Variants in SULT1C3 observed in about 807,000 individuals in gnomAD.
SULT1C3 encodes sulfotransferase family 1C member 3.
In SULT1C3, 31 loss-of-function variants were observed where a neutral mutation model predicts 28.4. The observed-to-expected ratio is 1.09, with a 90% CI of 0.82 to 1.47. The LOEUF is 1.47. SULT1C3 is among the 40% of genes most tolerant of loss of function. The pLI is 0.00. For synonymous variants in SULT1C3, 106 were observed against 92.2 expected (o/e 1.15, Z -0.86); for missense variants, 307 against 272.5 (o/e 1.13, Z -0.89).
chr2:108,247,560 G>T (rs1675619437), intron 2 of SULT1C3, among the ~76,000 whole-genome samples, 194 bp downstream of exon 2: 1 of 152,114 alleles, frequency 6.6e-6, no homozygotes, highest in Admixed American at 6.6e-5. Flanking sequence ...TCTCTGAAGA[G>T]AACAGAAAAG....
intron 5 of SULT1C3, among the ~76,000 whole-genome samples, chr2:108,256,236 A>G (rs974813775): frequency 4.6e-5 from 7 of 152,018 alleles, no homozygotes; most frequent in Non-Finnish European, 1.0e-4. Context: ...CAGTGAACAC[A>G]TTAGGGCCAC....
Position 108,260,816 on chromosome 2 carries a change from A to T in SULT1C3, c.*136A>T. ...CCTATAGTGTGGCTAGTTTGCTATA[A>T]TATTAAAACATGATTTAAAATATCA... On this transcript the variant is annotated 3_prime_UTR_variant, in exon 8 of 8. Transcript: ENST00000681802. 1 of 307,108 alleles carries T rather than the reference A, an allele frequency of 3.3e-6. No individual in the cohort carries two copies. Among genetic ancestry groups the T allele is most frequent in the South Asian group, 3.0e-5 (1 of 33,130 alleles). 19.0% of individuals were successfully genotyped at this position (307,108 alleles called of 1,614,324 possible). A position where few individuals can be genotyped will look rare whatever the true frequency, so the allele number is the denominator to read the frequency against.
At chr2:108,264,843 G>A (rs1284274137), downstream of SULT1C3, 1 of 1,611,782 alleles carries the variant, frequency 6.2e-7, no homozygotes, top group Non-Finnish European at 8.5e-7. Context: ...GCGGGAAATT[G>A]AGAAGATACT....
At chr2:108,246,280 G>A (rs1466737990) in intron 1 of SULT1C3, among the ~76,000 whole-genome samples, 1 of 152,116 alleles carries the variant, frequency 6.6e-6, no homozygotes, top group Non-Finnish European at 1.5e-5. Flanking sequence ...TCAGGTATCT[G>A]CAGTAGCACC....
intron 4 of SULT1C3, among the ~76,000 whole-genome samples, chr2:108,254,717 G>GTA (rs1281464827): frequency 1.8e-4 from 26 of 145,046 alleles, no homozygotes; most frequent in East Asian, 1.4e-3. Flanking sequence ...ATATATGTAT[G>GTA]TATATATATG....
chr2:108,243,502 G>C (rs534233229), intron 1 of SULT1C3, among the ~76,000 whole-genome samples: 3 of 151,888 alleles, frequency 2.0e-5, no homozygotes, highest in African/African-American at 7.3e-5. Context: ...GTGGTGGTGG[G>C]TGCCTGTAGT....
chr2:108,254,027 C>T (rs1395907239), intron 4 of SULT1C3, among the ~76,000 whole-genome samples: 1 of 151,994 alleles, frequency 6.6e-6, no homozygotes, highest in Non-Finnish European at 1.5e-5. Flanking sequence ...TTGCCTCCCA[C>T]TTTGTCAGCC....
At chr2:108,255,438 T>G (rs1182154507) in intron 4 of SULT1C3, 134 bp from the exon 5 acceptor site, 2 of 1,086,540 alleles carry the variant, frequency 1.8e-6, no homozygotes, top group Non-Finnish European at 2.6e-6. Context: ...TATTTAATGT[T>G]TTAATTCATA....
intron 1 of SULT1C3, among the ~76,000 whole-genome samples, chr2:108,241,256 A>C (rs1401847840): frequency 1.3e-5 from 2 of 152,224 alleles, no homozygotes; most frequent in African/African-American, 4.8e-5. Flanking sequence ...CAGTTTTTCC[A>C]ATTGTGTCCT....
At chr2:108,265,121 G>C (rs1676104991), downstream of SULT1C3, 2 of 1,464,586 alleles carry the variant, frequency 1.4e-6, no homozygotes, top group Non-Finnish European at 9.3e-7. Context: ...CAGCACCACT[G>C]TACAACCTTT....
intron 1 of SULT1C3, among the ~76,000 whole-genome samples, chr2:108,244,927 T>C (rs1675542609): frequency 6.6e-6 from 1 of 152,152 alleles, no homozygotes; most frequent in Non-Finnish European, 1.5e-5. Flanking sequence ...AATAAGCCAC[T>C]TTTTCTTCAA....
chr2:108,254,764 T>A (rs1675823186), intron 4 of SULT1C3, among the ~76,000 whole-genome samples: 1 of 150,986 alleles, frequency 6.6e-6, no homozygotes, highest in African/African-American at 2.4e-5. Context: ...TATGTATATA[T>A]GTATGTATGC....
At chr2:108,253,114 AAG>A (rs1470990592) in intron 3 of SULT1C3, among the ~76,000 whole-genome samples, 9 of 152,136 alleles carry the variant, frequency 5.9e-5, no homozygotes, top group Admixed American at 5.2e-4. Context: ...GAGGGTGAAA[AAG>A]AGCTTTCCTG....
downstream of SULT1C3, chr2:108,264,755 G>A (rs971237524): frequency 2.1e-6 from 3 of 1,456,942 alleles, no homozygotes; most frequent in Non-Finnish European, 2.8e-6. Context: ...TCCAAATACT[G>A]TCCAAATGGA....
chr2:108,258,186 C>T (rs1208940215), intron 5 of SULT1C3, among the ~76,000 whole-genome samples: 1 of 152,074 alleles, frequency 6.6e-6, no homozygotes, highest in African/African-American at 2.4e-5. Context: ...ACTAAAACAT[C>T]CCTGGGATAA....
chr2:108,254,437 T>C (rs1035268962), intron 4 of SULT1C3, among the ~76,000 whole-genome samples: 6 of 151,978 alleles, frequency 3.9e-5, no homozygotes, highest in Non-Finnish European at 5.9e-5. Flanking sequence ...GTATCTATAT[T>C]GGGGTATCTG....
intron 7 of SULT1C3, among the ~76,000 whole-genome samples, chr2:108,260,175 G>T (rs1675986425): frequency 2.0e-5 from 3 of 152,086 alleles, no homozygotes. Context: ...CTACAATGAG[G>T]TTACTGACAT....
chr2:108,252,228 C>T, intron 2 of SULT1C3, 137 bp from the exon 3 acceptor site: 1 of 720,982 alleles, frequency 1.4e-6, no homozygotes, highest in Non-Finnish European at 2.3e-6. Flanking sequence ...TATAATACAA[C>T]AGTTTTCATT....
At position 108,259,089 on chromosome 2, in the gene SULT1C3, C is replaced by T. The variant is rs764640681; in HGVS notation, c.745C>T (p.His249Tyr). 2.8e-5 allele frequency: 17 copies of T among 610,850 alleles called. No individual in the cohort carries two copies. Among genetic ancestry groups the T allele is most frequent in the Non-Finnish European group, 3.9e-5 (13 of 331,874 alleles). 37.8% of individuals were successfully genotyped at this position (610,850 alleles called of 1,614,324 possible). A position where few individuals can be genotyped will look rare whatever the true frequency, so the allele number is the denominator to read the frequency against. Residue 249 changes from histidine (H) to tyrosine (Y), a missense_variant, in exon 7 of 8, where the codon CAT becomes TAT. By Grantham distance (83) the His-to-Tyr change is moderately conservative. Coordinates refer to ENST00000681802, the MANE Select transcript of SULT1C3 (RefSeq NM_001320878.2). ...AATGAAGGATAATCCCATGGCCAACCATACTGCGGTACCTGCTCACATATT... is the reference window on the plus strand; with the variant it reads ...AATGAAGGATAATCCCATGGCCAACTATACTGCGGTACCTGCTCACATATT... Reference protein sequence around the residue: ...DVMKDNPMANHTAVPAHIFNH... With the variant: ...DVMKDNPMANYTAVPAHIFNH...
Sources: allele counts gnomAD v4.1 joint callset (sites outside exome capture counted in the v4.1 genomes callset), GRCh38; gene constraint gnomAD v4.1.1; transcripts MANE v1.5; gene names NCBI Gene and HGNC (gene_info 2026-07-23, HGNC 2026-07-21).